Variants in SLC66A3 observed in about 807,000 individuals in gnomAD.
SLC66A3 encodes solute carrier family 66 member 3.
Under a neutral mutation model 25.5 loss-of-function variants are expected in SLC66A3, and 23 were observed. The observed-to-expected ratio is 0.90, with a 90% CI of 0.65 to 1.28. SLC66A3 has a LOEUF of 1.28. Ranked by LOEUF, SLC66A3 falls within the 50% of genes most tolerant of loss-of-function variation. The probability of loss-of-function intolerance (pLI) is 0.00; values close to 1 mark genes in which losing one functional copy is unlikely to be tolerated. For synonymous variants in SLC66A3, 108 were observed against 112.6 expected (o/e 0.96, Z 0.26); for missense variants, 246 against 262.1 (o/e 0.94, Z 0.42).
chr2:11,160,540 T>TCG lies in SLC66A3; in HGVS notation c.222_223dup (p.Gln75ArgfsTer17), dbSNP rs774875938. The TCG allele has an allele frequency of 3.7e-6, 6 of 1,614,104 alleles. No homozygotes were observed. Among genetic ancestry groups the TCG allele is most frequent in the Non-Finnish European group, 5.1e-6 (6 of 1,180,006 alleles). Reference sequence around the variant, plus strand: ...ACCTACCTGGAGTACCCCATCCTCATCGCGCAAGGTAACAGCCCCTTCCCT... The same window carrying TCG: ...ACCTACCTGGAGTACCCCATCCTCATCGCGCGCAAGGTAACAGCCCCTTCCCT... On this transcript the variant is annotated frameshift_variant, in exon 2 of 7. Transcript: ENST00000295083. LOFTEE classifies it high-confidence loss of function.
chr2:11,169,485 C>T (rs1188098735), intron 4 of SLC66A3, among the ~76,000 whole-genome samples: 2 of 152,160 alleles, frequency 1.3e-5, no homozygotes, highest in African/African-American at 4.8e-5. Context: ...ATCTCGGTAG[C>T]TTTTGACACC....
intron 1 of SLC66A3, among the ~76,000 whole-genome samples, chr2:11,158,811 T>C (rs965474926): frequency 1.4e-4 from 14 of 103,026 alleles, no homozygotes; most frequent in African/African-American, 3.9e-4. Flanking sequence ...AGAGCAAGAC[T>C]CCATCTCAAA....
chr2:11,156,622 C>A (rs1661912879), intron 1 of SLC66A3, among the ~76,000 whole-genome samples: 1 of 152,142 alleles, frequency 6.6e-6, no homozygotes, highest in South Asian at 2.1e-4. Context: ...GGTGAGGGGT[C>A]CCACTCAGGC....
At chr2:11,176,902 C>T (rs1662774164) in intron 6 of SLC66A3, among the ~76,000 whole-genome samples, 1 of 152,074 alleles carries the variant, frequency 6.6e-6, no homozygotes, top group African/African-American at 2.4e-5. Context: ...TCTTAAATCT[C>T]ATTAAACCTA....
At chr2:11,165,154 C>T (rs1572183788) in intron 4 of SLC66A3, among the ~76,000 whole-genome samples, 3 of 149,110 alleles carry the variant, frequency 2.0e-5, no homozygotes, top group Admixed American at 6.7e-5. Flanking sequence ...GCTGGCCGGG[C>T]GGGGGCTGAC....
At chr2:11,168,016 C>G (rs543305860) in intron 4 of SLC66A3, among the ~76,000 whole-genome samples, 1 of 152,166 alleles carries the variant, frequency 6.6e-6, no homozygotes, top group Non-Finnish European at 1.5e-5. Context: ...TGCGGTGGCT[C>G]ACGCCTGTGA....
chr2:11,157,526 G>A lies in SLC66A3; in HGVS notation c.143+1837G>A, dbSNP rs1661949599. On this transcript the variant is annotated intron_variant, in intron 1 of 6. Coordinates refer to ENST00000295083, the MANE Select transcript of SLC66A3 (RefSeq NM_152391.5). Reference sequence around the variant, plus strand: ...TTGCCTGGGAGGCCCACCTGGGGCTGGCCATGCTTGCCAGCTGGGCCCCCG... The same window carrying A: ...TTGCCTGGGAGGCCCACCTGGGGCTAGCCATGCTTGCCAGCTGGGCCCCCG... 4.9e-5 allele frequency among the ~76,000 whole-genome samples: 7 copies of A among 143,240 alleles called. No homozygotes were observed. In the Admixed American group the frequency reaches 5.0e-4, roughly 10 times the overall value. 94.0% of individuals were successfully genotyped at this position (143,240 alleles called of 152,430 possible). A position where few individuals can be genotyped will look rare whatever the true frequency, so the allele number is the denominator to read the frequency against.
chr2:11,165,308 C>T (rs928180039), intron 4 of SLC66A3, among the ~76,000 whole-genome samples: 6 of 146,086 alleles, frequency 4.1e-5, no homozygotes, highest in Admixed American at 2.0e-4. Flanking sequence ...TCAGACTGGG[C>T]GGCGGGGCAG....
rs1314827988 is a variant in SLC66A3 at position 11,178,277 on chromosome 2, T to C, written c.*449T>C. On this transcript the variant is annotated 3_prime_UTR_variant, in exon 7 of 7. Coordinates refer to ENST00000295083, the MANE Select transcript of SLC66A3 (RefSeq NM_152391.5). ...CCTATAATAAATGACTAGGGTTCAC[T>C]TTCTGGGACTGATGTTTAATTGTAA... The C allele has an allele frequency of 6.4e-6, 1 of 157,004 alleles. No homozygotes were observed. Among genetic ancestry groups the C allele is most frequent in the East Asian group, 1.9e-4 (1 of 5,310 alleles). 9.7% of individuals were successfully genotyped at this position (157,004 alleles called of 1,614,324 possible).
chr2:11,162,570 T>C (rs76332938), intron 3 of SLC66A3, among the ~76,000 whole-genome samples: 3,624 of 152,274 alleles, frequency 0.024, 160 homozygotes, highest in African/African-American at 0.083. Context: ...AGCGAAAGAA[T>C]AGGGTTACCA....
At chr2:11,169,835 C>CTTTTTT (rs1558257033) in intron 4 of SLC66A3, among the ~76,000 whole-genome samples, 102 of 85,118 alleles carry the variant, frequency 1.2e-3, no homozygotes, top group African/African-American at 2.2e-3. Context: ...CTGGATTTCT[C>CTTTTTT]TCTTTTTTTT....
At position 11,155,483 on chromosome 2, in the gene SLC66A3, G is replaced by A; in HGVS notation, c.-64G>A. 1 of 1,413,582 alleles carries A rather than the reference G, an allele frequency of 7.1e-7. No individual in the cohort carries two copies. The highest frequency in any genetic ancestry group is 9.2e-7 in the Non-Finnish European group (1 of 1,091,228). The allele number at this position is 1,413,582 out of a possible 1,614,324, so 87.6% of individuals were successfully genotyped here. A position where few individuals can be genotyped will look rare whatever the true frequency, so the allele number is the denominator to read the frequency against. On this transcript the variant is annotated 5_prime_UTR_variant, in exon 1 of 7. Coordinates refer to ENST00000295083, the MANE Select transcript of SLC66A3 (RefSeq NM_152391.5). ...GAAGGCGGAAGGCTTCGGCAGAGCT[G>A]CGCCGCCGAGGCTGAGCGGTCCCTT...
rs117827367 is a variant in SLC66A3 at position 11,167,266 on chromosome 2, G to A, written c.354+3005G>A. Among the ~76,000 whole-genome samples the A allele has an allele frequency of 3.7e-3, 558 of 152,276 alleles. 18 individuals are homozygous for A. In the East Asian group the frequency reaches 0.067, roughly 18 times the overall value. The stretch of plus-strand genomic sequence containing the variant: ...TCGAGACCAGCCTGGTCAAAATGGC[G>A]AAACCCCGTCTACTAAAAATACAAA... On this transcript the variant is annotated intron_variant, in intron 4 of 6. Coordinates refer to ENST00000295083, the MANE Select transcript of SLC66A3 (RefSeq NM_152391.5).
At chr2:11,167,623 C>T (rs1400463434) in intron 4 of SLC66A3, among the ~76,000 whole-genome samples, 4 of 152,166 alleles carry the variant, frequency 2.6e-5, no homozygotes, top group South Asian at 2.1e-4. Context: ...CACCAGGCTC[C>T]GTGCTGTGTC....
chr2:11,156,384 C>T (rs1661901683), intron 1 of SLC66A3, among the ~76,000 whole-genome samples: 1 of 152,160 alleles, frequency 6.6e-6, no homozygotes, highest in South Asian at 2.1e-4. Flanking sequence ...TTTGGGGTAT[C>T]ATTTTTGAGC....
chr2:11,171,995 C>A lies in SLC66A3; in HGVS notation c.425C>A (p.Ser142Ter). The change falls in exon 5 of 7, where the codon TCA becomes TAA. Residue 142 changes from serine to a stop codon, truncating the protein, a stop_gained. Transcript: ENST00000295083. LOFTEE classifies it high-confidence loss of function. ...CAGTGTCTGTGGAAGACGAGAGACTCAGGAACTGTGAGTGCGCTGACTTGG... is the reference window on the plus strand; with the variant it reads ...CAGTGTCTGTGGAAGACGAGAGACTAAGGAACTGTGAGTGCGCTGACTTGG... Reference protein sequence around the residue: ...QLQCLWKTRDSGTVSALTWSL... With the variant: ...QLQCLWKTRD 1 of 1,614,106 alleles carries A rather than the reference C, an allele frequency of 6.2e-7. No individual in the cohort carries two copies. The highest frequency in any genetic ancestry group is 8.5e-7 in the Non-Finnish European group (1 of 1,179,984).
intron 4 of SLC66A3, among the ~76,000 whole-genome samples, chr2:11,168,758 C>T (rs1287148818): frequency 6.6e-6 from 1 of 152,190 alleles, no homozygotes. Context: ...CATCTGCACC[C>T]AGCTCTCAGG....
At position 11,164,682 on chromosome 2, in the gene SLC66A3, C is replaced by CGGCCTT. The variant is rs1178960249; in HGVS notation, c.354+422_354+427dup. Among the ~76,000 whole-genome samples the CGGCCTT allele has an allele frequency of 2.0e-5, 3 of 151,190 alleles. No homozygotes were observed. The East Asian group carries it at 5.8e-4, about 29-fold the overall frequency. On this transcript the variant is annotated intron_variant, in intron 4 of 6. Transcript: ENST00000295083. The stretch of plus-strand genomic sequence containing the variant: ...TGGTTTTCCTAGGCAGAGGACCCTG[C>CGGCCTT]GGCCTTCCGCAGTGTTTGTGTCCCT...
chr2:11,168,954 T>C (rs1350714491), intron 4 of SLC66A3, among the ~76,000 whole-genome samples: 6 of 151,928 alleles, frequency 3.9e-5, no homozygotes, highest in Non-Finnish European at 1.5e-5. Context: ...GCCTTCTGGG[T>C]TCAAATGATT....
Sources: gnomAD v4.1 joint callset for allele counts (sites outside exome capture counted in the v4.1 genomes callset) on GRCh38, gnomAD v4.1.1 for gene constraint, MANE v1.5 for transcripts, NCBI Gene and HGNC (gene_info 2026-07-23, HGNC 2026-07-21) for gene names.